The following DIDO1 variants were observed in gnomAD, a reference collection of about 807,000 sequenced individuals.
DIDO1 encodes death-inducer obliterator 1.
A neutral mutation model predicts 99.4 loss-of-function variants in DIDO1; 16 were observed. That is an observed-to-expected ratio of 0.16 (90% CI 0.11 to 0.24). The LOEUF is 0.24. Among genes scored for constraint, DIDO1 ranks in the 10% least tolerant of loss-of-function variants. The pLI, the probability that DIDO1 is intolerant of heterozygous loss-of-function variation, is 1.00. For missense variants in DIDO1, 2,996 were observed against 3,014.0 expected, an observed-to-expected ratio of 0.99 and a Z score of 0.14; for synonymous variants, 1,366 against 1,239.1, an observed-to-expected ratio of 1.10 and a Z score of -2.15.
At chr20:62,882,629 T>G (rs981205621) in intron 15 of DIDO1, among the ~76,000 whole-genome samples, 5 of 125,708 alleles carry the variant, frequency 4.0e-5, no homozygotes, top group Non-Finnish European at 6.7e-5. Flanking sequence ...GAACACACCG[T>G]GCCAGGAATG....
intron 8 of DIDO1, among the ~76,000 whole-genome samples, chr20:62,895,668 A>C (rs2064503447): frequency 6.6e-6 from 1 of 152,214 alleles, no homozygotes; most frequent in East Asian, 1.9e-4. Flanking sequence ...GAACACCACA[A>C]GGCTGTCAGC....
At position 62,896,993 on chromosome 20, in the gene DIDO1, G is replaced by A. The variant is rs768661117; in HGVS notation, c.1592C>T (p.Thr531Met). 7.1e-5 allele frequency: 114 copies of A among 1,609,912 alleles called. No homozygotes were observed. The highest frequency in any genetic ancestry group is 1.0e-4 in the Admixed American group (6 of 59,358). ...APSPSLLYKS[T>M]KEDRRSEEKA... is the part of the protein sequence containing the mutation. ...CTCCTCGGACCTCCTGTCTTCCTTC[G>A]TGGCTACAAAGAAGAACACAGGCGC... is the stretch of plus-strand genomic sequence containing the variant. Residue 531 changes from threonine (T) to methionine (M), a missense_variant, in exon 7 of 16, where the codon ACG becomes ATG. By Grantham distance (81) the Thr-to-Met change is moderately conservative. Transcript: ENST00000395343. The surrounding 1 kb of genome is among the most constrained non-coding windows in gnomAD (Gnocchi z 4.4).
At chr20:62,935,821 T>C (rs914425310) in intron 1 of DIDO1, among the ~76,000 whole-genome samples, 1 of 152,208 alleles carries the variant, frequency 6.6e-6, no homozygotes, top group Admixed American at 6.5e-5. Flanking sequence ...GTGACAGGAC[T>C]TCTGGAGCTC....
intron 1 of DIDO1, among the ~76,000 whole-genome samples, chr20:62,922,241 TATAC>T (rs1456045105): frequency 6.2e-5 from 9 of 146,266 alleles, no homozygotes; most frequent in East Asian, 4.0e-4. Context: ...CATATATATA[TATAC>T]ACACACACAC....
chr20:62,895,169 T>TA lies in DIDO1; in HGVS notation c.2215-5dup. ...GCAGAACACGATGGAAGAGTCCCTA[T>TA]AAACAAGTATTTTTCATTTACTCAA... On this transcript the variant is annotated splice_region_variant and splice_polypyrimidine_tract_variant and intron_variant, in intron 8 of 15. Coordinates refer to ENST00000395343, the MANE Select transcript of DIDO1 (RefSeq NM_001193369.2). 6.3e-7 allele frequency: 1 copy of TA among 1,598,690 alleles called. No individual in the cohort carries two copies. The highest frequency in any genetic ancestry group is 8.6e-7 in the Non-Finnish European group (1 of 1,166,990).
Position 62,891,060 on chromosome 20 carries a change from A to G in DIDO1, c.3441T>C (p.Gly1147=). Residue 1147 remains glycine (G), a synonymous_variant, in exon 15 of 16, where the codon GGT becomes GGC. Coordinates refer to ENST00000395343, the MANE Select transcript of DIDO1 (RefSeq NM_001193369.2). ...YSYFSSRGRF[G]VVANNNRHVK... is the part of the protein sequence containing the mutation. The stretch of plus-strand genomic sequence containing the variant: ...CGTGCCTGTTGTTATTAGCTACAAC[A>G]CCAAAGCGGCCACGGCTGCTGAAAT... The G allele has an allele frequency of 6.2e-7, 1 of 1,614,188 alleles. No homozygotes were observed. The highest frequency in any genetic ancestry group is 8.5e-7 in the Non-Finnish European group (1 of 1,180,032).
intron 6 of DIDO1, among the ~76,000 whole-genome samples, chr20:62,903,951 A>G (rs1336354865): frequency 6.6e-6 from 1 of 152,212 alleles, no homozygotes; most frequent in Non-Finnish European, 1.5e-5. Flanking sequence ...GGAGGCAGGC[A>G]GGAAGCAATA....
At chr20:62,882,943 G>A (rs960620304) in intron 15 of DIDO1, among the ~76,000 whole-genome samples, 8 of 82,164 alleles carry the variant, frequency 9.7e-5, no homozygotes, top group African/African-American at 3.2e-4. Flanking sequence ...TTTTTTTTGA[G>A]ATGGAGTGTC....
chr20:62,890,591 T>C, intron 15 of DIDO1: 1 of 1,082,104 alleles, frequency 9.2e-7, no homozygotes, highest in Non-Finnish European at 1.1e-6. Flanking sequence ...CGGTGTGTGC[T>C]GGCTCCCGAG....
Position 62,879,977 on chromosome 20 carries a change from C to A in DIDO1, c.5979G>T (p.Arg1993=). The change falls in exon 16 of 16, where the codon CGG becomes CGT. Residue 1993 remains arginine, a synonymous_variant. Transcript: ENST00000395343. The surrounding 1 kb of genome is among the most constrained non-coding windows in gnomAD (Gnocchi z 6.3). ...APAPLQFGGL[R]GSAPFSEKNE... ...TTTTTTCAGAAAAGGGTGCGGACCC[C>A]CGTAGTCCACCAAACTGCAGGGGTG... 1 of 1,611,640 alleles carries A rather than the reference C, an allele frequency of 6.2e-7. No individual in the cohort carries two copies. Among genetic ancestry groups the A allele is most frequent in the Non-Finnish European group, 8.5e-7 (1 of 1,179,746 alleles).
chr20:62,931,574 C>T (rs1013922865), intron 1 of DIDO1, among the ~76,000 whole-genome samples: 12 of 152,134 alleles, frequency 7.9e-5, no homozygotes, highest in African/African-American at 2.2e-4. Context: ...CTTCACACCA[C>T]GGAATAGAGA....
At chr20:62,929,692 A>AAAAAAAAAAAAAAAAAAT, upstream of DIDO1, among the ~76,000 whole-genome samples, 2 of 63,710 alleles carry the variant, frequency 3.1e-5, no homozygotes, top group African/African-American at 1.5e-4. Flanking sequence ...AAAAAGAAAA[A>AAAAAAAAAAAAAAAAAAT]GTGTATATAT....
chr20:62,907,195 C>G lies in DIDO1; in HGVS notation c.1326G>C (p.Lys442Asn). 5.6e-6 allele frequency: 9 copies of G among 1,614,258 alleles called. No homozygotes were observed. The highest frequency in any genetic ancestry group is 7.6e-6 in the Non-Finnish European group (9 of 1,180,058). Residue 442 changes from lysine (K) to asparagine (N), a missense_variant, in exon 5 of 16, where the codon AAG becomes AAC. By Grantham distance (94) the Lys-to-Asn change is moderately conservative. Coordinates refer to ENST00000395343, the MANE Select transcript of DIDO1 (RefSeq NM_001193369.2). Reference sequence around the variant, plus strand: ...TGGGCTTCTCTGGCTTCATCTTCATCTTTTCTTTAGGCTTTGGCTTCTGTT... The same window carrying G: ...TGGGCTTCTCTGGCTTCATCTTCATGTTTTCTTTAGGCTTTGGCTTCTGTT... ...GKEQKPKPKE[K>N]MKMKPEKPSL...
Position 62,892,422 on chromosome 20 carries a change from T to C in DIDO1, c.3256-346A>G, listed in dbSNP as rs185205411. ...GCTAGTGCTGTCTTCTGGTTAATTC[T>C]GAAAACTAAAAGGCCTGCCACGGGG... On this transcript the variant is annotated intron_variant, in intron 13 of 15. Transcript: ENST00000395343. Among the ~76,000 whole-genome samples, 633 of 152,340 alleles carry C rather than the reference T, an allele frequency of 4.2e-3. 2 individuals carry two copies. Among genetic ancestry groups the C allele is most frequent in the Non-Finnish European group, 6.8e-3 (464 of 68,026 alleles).
Position 62,881,313 on chromosome 20 carries a change from A to T in DIDO1, c.4643T>A (p.Leu1548Gln). The T allele has an allele frequency of 6.2e-7, 1 of 1,604,652 alleles. No homozygotes were observed. The change falls in exon 16 of 16, where the codon CTG becomes CAG. Residue 1548 changes from leucine to glutamine, a missense_variant. Transcript: ENST00000395343. This position sits in a 1 kb window ranked among gnomAD's most constrained non-coding sequence, Gnocchi z 8.3. Reference sequence around the variant, plus strand: ...GTTTGACGCCTGGCTGGCGGGGGGCAGTGAGGCGGGCTTGTCTGCAGACTG... The same window carrying T: ...GTTTGACGCCTGGCTGGCGGGGGGCTGTGAGGCGGGCTTGTCTGCAGACTG... The part of the protein sequence containing the change: ...EQQSADKPAS[L>Q]PPASQASNHR...
rs1188122403 is a variant in DIDO1 at position 62,909,965 on chromosome 20, T to C, written c.895A>G (p.Ile299Val). The C allele has an allele frequency of 6.2e-7, 1 of 1,613,192 alleles. No homozygotes were observed. The highest frequency in any genetic ancestry group is 8.5e-7 in the Non-Finnish European group (1 of 1,180,014). ...AAAAGCCTCCCTCGAGCCTCAGAAA[T>C]GCCCACACAATCGCCATGAAACCAT... ...EEWFHGDCVG[I>V]SEARGRLLER... Residue 299 changes from isoleucine to valine, a missense_variant, in exon 4 of 16, where the codon ATT (isoleucine) becomes GTT (valine). Ile to Val is a conservative substitution (Grantham distance 29). Around this residue, in one of 5 missense-constraint regions of DIDO1, gnomAD observed 13 missense variants for 49.9 expected, o/e 0.26. Transcript: ENST00000395343.
intron 1 of DIDO1, among the ~76,000 whole-genome samples, chr20:62,935,076 C>T (rs919362345): frequency 6.6e-6 from 1 of 152,294 alleles, no homozygotes; most frequent in East Asian, 1.9e-4. Context: ...ATGAGGCCCA[C>T]GGTGAACTCA....
Position 62,894,620 on chromosome 20 carries a change from G to C in DIDO1, c.2437-72C>G. 6.4e-7 allele frequency: 1 copy of C among 1,563,848 alleles called. No homozygotes were observed. The highest frequency in any genetic ancestry group is 1.1e-5 in the South Asian group (1 of 87,008). On this transcript the variant is annotated intron_variant, in intron 10 of 15. Transcript: ENST00000395343. This position sits in a 1 kb window ranked among gnomAD's most constrained non-coding sequence, Gnocchi z 4.4. ...TCAGCTCCAAATTAACCACACACAA[G>C]AAAAGCAGTCTCATGGGATTGAGAC...
At chr20:62,926,752 G>C (rs930801320), upstream of DIDO1, among the ~76,000 whole-genome samples, 1 of 152,268 alleles carries the variant, frequency 6.6e-6, no homozygotes, top group African/African-American at 2.4e-5. Context: ...TGCCCTTGCG[G>C]GGATCCCTCG....
Sources: allele counts gnomAD v4.1 joint callset (sites outside exome capture counted in the v4.1 genomes callset), GRCh38; gene constraint gnomAD v4.1.1; regional missense constraint gnomAD v4.1.1; non-coding constraint Gnocchi (gnomAD v3.1); transcripts MANE v1.5; gene names NCBI Gene and HGNC (gene_info 2026-07-23, HGNC 2026-07-21).